Variants in TCTN2 observed in about 807,000 individuals in gnomAD.
The protein encoded by TCTN2 is tectonic-2.
A neutral mutation model predicts 83.4 loss-of-function variants in TCTN2; 66 were observed. The ratio of observed to expected loss-of-function variants is 0.79; its 90% CI spans 0.65 to 0.97. The LOEUF is 0.97. Ranked by LOEUF, TCTN2 falls within the 50% of genes least tolerant of loss-of-function variation. The pLI, the probability that TCTN2 is intolerant of heterozygous loss-of-function variation, is 0.00. For synonymous variants in TCTN2, 301 were observed against 326.7 expected (o/e 0.92, Z 0.85); for missense variants, 794 against 858.1 (o/e 0.93, Z 0.93).
At chr12:123,696,090 C>G in intron 11 of TCTN2, 1 of 341,144 alleles carries the variant, frequency 2.9e-6, no homozygotes, top group South Asian at 2.5e-5. Context: ...GTGATCCACC[C>G]ACCTCGGCCT....
chr12:123,705,404 G>A (rs1593869748), intron 15 of TCTN2, among the ~76,000 whole-genome samples: 1 of 151,926 alleles, frequency 6.6e-6, no homozygotes, highest in African/African-American at 2.4e-5. Context: ...CTCATGATCC[G>A]CCCGCCTCGG....
At chr12:123,680,602 C>T (rs778393007) in intron 5 of TCTN2, among the ~76,000 whole-genome samples, 2 of 150,948 alleles carry the variant, frequency 1.3e-5, no homozygotes, top group Non-Finnish European at 3.0e-5. Context: ...CTGCAACCTC[C>T]ACCTCCTGGA....
At chr12:123,700,929 C>T (rs1956165753) in intron 14 of TCTN2, among the ~76,000 whole-genome samples, 1 of 152,148 alleles carries the variant, frequency 6.6e-6, no homozygotes, top group Admixed American at 6.5e-5. Flanking sequence ...ACCTGGATGA[C>T]AGAGCAAGAT....
intron 9 of TCTN2, among the ~76,000 whole-genome samples, chr12:123,694,429 A>C (rs1207052687): frequency 2.6e-5 from 4 of 152,188 alleles, no homozygotes; most frequent in Non-Finnish European, 5.9e-5. Flanking sequence ...GTACTTCTCA[A>C]ATTTATTCAT....
intron 7 of TCTN2, among the ~76,000 whole-genome samples, chr12:123,689,989 A>G (rs947431428): frequency 1.3e-5 from 2 of 152,032 alleles, no homozygotes; most frequent in Admixed American, 6.6e-5. Context: ...TTGTAGAGAC[A>G]GGGTCTTGCT....
At position 123,705,945 on chromosome 12, in the gene TCTN2, G is replaced by A. The variant is rs1956223692; in HGVS notation, c.1770-781G>A. Among the ~76,000 whole-genome samples, 2 of 151,836 alleles carry A rather than the reference G, an allele frequency of 1.3e-5. 1 individual carries two copies. The highest frequency in any genetic ancestry group is 4.8e-5 in the African/African-American group (2 of 41,358). On this transcript the variant is annotated intron_variant, in intron 15 of 17. Transcript: ENST00000303372. ...CTAATTTTGTATTTTTAGTAGAGATGGGGTTTCTCCATGTTGGTCAGGCTG... is the reference window on the plus strand; with the variant it reads ...CTAATTTTGTATTTTTAGTAGAGATAGGGTTTCTCCATGTTGGTCAGGCTG...
chr12:123,679,266 G>A lies in TCTN2; in HGVS notation c.541G>A (p.Asp181Asn). ...TTGTAATTTAACAGCTGGAGCCTGT[G>A]ATGTTCGCTGCTGCTGTGACCAGGT... ...CPCNLTAGAC[D>N]VRCCCDQECS... The change falls in exon 5 of 18, where the codon GAT becomes AAT. Residue 181 changes from aspartate (D) to asparagine (N), a missense_variant. Asp to Asn is a conservative substitution (Grantham distance 23). Transcript: ENST00000303372. The A allele has an allele frequency of 6.2e-7, 1 of 1,613,994 alleles. No homozygotes were observed. The highest frequency in any genetic ancestry group is 8.5e-7 in the Non-Finnish European group (1 of 1,179,914).
At chr12:123,673,496 C>T (rs1209912242) in intron 3 of TCTN2, 119 bp from the exon 4 acceptor site, 15 of 966,066 alleles carry the variant, frequency 1.6e-5, no homozygotes, top group Non-Finnish European at 2.1e-5. Flanking sequence ...TCTCTGTATA[C>T]ATTTCCCTTT....
At chr12:123,704,450 T>A (rs901345303) in intron 14 of TCTN2, 82 bp from the exon 15 acceptor site, 6 of 1,415,210 alleles carry the variant, frequency 4.2e-6, no homozygotes, top group African/African-American at 2.8e-5. Context: ...CCTGATATTA[T>A]TCCCCATTTT....
chr12:123,693,701 G>A (rs1006875441), intron 9 of TCTN2, among the ~76,000 whole-genome samples: 9 of 151,900 alleles, frequency 5.9e-5, no homozygotes, highest in Non-Finnish European at 8.8e-5. Context: ...TGATCCACCT[G>A]CCTTGGCCTC....
rs1955889303 is a variant in TCTN2 at position 123,680,700 on chromosome 12, A to G, written c.564+1411A>G. On this transcript the variant is annotated intron_variant, in intron 5 of 17. Coordinates refer to ENST00000303372, the MANE Select transcript of TCTN2 (RefSeq NM_024809.5). ...CCTGGCTAATTTTTGTATTTTTAGT[A>G]GAGGCGGGGTTTCACCATGTTGGCC... is the stretch of plus-strand genomic sequence containing the variant. 2.0e-5 allele frequency among the ~76,000 whole-genome samples: 3 copies of G among 151,264 alleles called. No homozygotes were observed. In the South Asian group the frequency reaches 6.3e-4, roughly 32 times the overall value.
rs140057255 is a variant in TCTN2, at chr12:123,706,392, A to G, written c.1770-334A>G. On this transcript the variant is annotated intron_variant, in intron 15 of 17. Coordinates refer to ENST00000303372, the MANE Select transcript of TCTN2 (RefSeq NM_024809.5). Reference sequence around the variant, plus strand: ...GGCTAGCTGCTGCTTTTATTATTATATTGTTTGAGAAAAACAGGTGATGAA... The same window carrying G: ...GGCTAGCTGCTGCTTTTATTATTATGTTGTTTGAGAAAAACAGGTGATGAA... Among the ~76,000 whole-genome samples, 764 of 152,310 alleles carry G rather than the reference A, an allele frequency of 5.0e-3. 4 individuals carry two copies. The highest frequency in any genetic ancestry group is 0.018 in the African/African-American group (744 of 41,574).
chr12:123,696,399 T>C lies in TCTN2; in HGVS notation c.1313-16T>C, dbSNP rs373247669. The stretch of plus-strand genomic sequence containing the variant: ...TGGAGGAAACAGGCTCACGTTCCTT[T>C]GTTGTGTTTGTCTAGGTTACCAACT... On this transcript the variant is annotated splice_polypyrimidine_tract_variant and intron_variant, in intron 11 of 17. Transcript: ENST00000303372. 1.4e-5 allele frequency: 23 copies of C among 1,610,346 alleles called. No homozygotes were observed. The highest frequency in any genetic ancestry group is 2.0e-5 in the Non-Finnish European group (23 of 1,176,698).
intron 11 of TCTN2, chr12:123,695,802 G>A (rs1158865983): frequency 6.2e-6 from 1 of 160,660 alleles, no homozygotes; most frequent in African/African-American, 2.4e-5. Flanking sequence ...ACAGGCATGA[G>A]CCACTGCCCC....
intron 15 of TCTN2, among the ~76,000 whole-genome samples, chr12:123,705,745 T>C (rs1339070508): frequency 6.8e-6 from 1 of 146,918 alleles, no homozygotes; most frequent in Non-Finnish European, 1.5e-5. Flanking sequence ...TCCTCCTCTT[T>C]CCTTTCTTTC....
rs370333208 is a variant in TCTN2, at chr12:123,707,068, A to T, written c.1979A>T (p.Tyr660Phe). 1 of 1,613,118 alleles carries T rather than the reference A, an allele frequency of 6.2e-7. No individual in the cohort carries two copies. Among genetic ancestry groups the T allele is most frequent in the Admixed American group, 1.7e-5 (1 of 59,998 alleles). The change falls in exon 17 of 18, where the codon TAT becomes TTT. Residue 660 changes from tyrosine (Y) to phenylalanine (F), a missense_variant. By Grantham distance (22) the Tyr-to-Phe change is conservative (BLOSUM62 3). Coordinates refer to ENST00000303372, the MANE Select transcript of TCTN2 (RefSeq NM_024809.5). ...PQLLYPWTQY[Y>F]QGELHSQCVA... ...CTTCTATATCCATGGACTCAGTATT[A>T]TCAAGGTAGGGTGAAACAGATTTCT...
At chr12:123,694,220 C>T (rs910721138) in intron 9 of TCTN2, among the ~76,000 whole-genome samples, 2 of 152,042 alleles carry the variant, frequency 1.3e-5, no homozygotes, top group Non-Finnish European at 2.9e-5. Flanking sequence ...GTCTTGAACT[C>T]CTGACCTCGT....
At chr12:123,694,736 G>A in intron 9 of TCTN2, 106 bp from the exon 10 acceptor site, 1 of 1,223,956 alleles carries the variant, frequency 8.2e-7, no homozygotes, top group Non-Finnish European at 1.2e-6. Flanking sequence ...AGGGAGGGCA[G>A]GGGCAGGGCA....
chr12:123,673,725 A>G lies in TCTN2; in HGVS notation c.378A>G (p.Ser126=). ...SPCILQTLLV[S]ASHNSSCSAH... ...GTATCCTCCAGACCCTTCTGGTTTC[A>G]GCATCTCATAATTCATCCTGTTCAG... The change falls in exon 4 of 18, where the codon TCA becomes TCG. Residue 126 remains serine (S), a synonymous_variant. Transcript: ENST00000303372. The G allele has an allele frequency of 6.2e-7, 1 of 1,614,200 alleles. No individual in the cohort carries two copies. Among genetic ancestry groups the G allele is most frequent in the East Asian group, 2.2e-5 (1 of 44,884 alleles).
Sources: gnomAD v4.1 joint callset for allele counts (sites outside exome capture counted in the v4.1 genomes callset) on GRCh38, gnomAD v4.1.1 for gene constraint, MANE v1.5 for transcripts, NCBI Gene and HGNC (gene_info 2026-07-23, HGNC 2026-07-21) for gene names.